The following VPS8 variants were observed in gnomAD, a reference collection of about 807,000 sequenced individuals.
VPS8 encodes the protein VPS8 subunit of CORVET complex.
In VPS8, 129 loss-of-function variants were observed where a neutral mutation model predicts 216.4. The ratio of observed to expected loss-of-function variants is 0.60; its 90% CI spans 0.52 to 0.69. The LOEUF (loss-of-function observed/expected upper bound fraction) is 0.69, where lower values mean the gene tolerates loss of function less well. Among genes scored for constraint, VPS8 ranks in the 30% least tolerant of loss-of-function variants. The pLI is 0.00. For missense variants in VPS8, 1,531 were observed against 1,683.5 expected, an observed-to-expected ratio of 0.91 and a Z score of 1.59; for synonymous variants, 571 against 565.4, an observed-to-expected ratio of 1.01 and a Z score of -0.14.
intron 25 of VPS8, among the ~76,000 whole-genome samples, chr3:184,908,968 C>T (rs1735989362): frequency 6.6e-6 from 1 of 152,224 alleles, no homozygotes; most frequent in African/African-American, 2.4e-5. Flanking sequence ...GATGTGCAGA[C>T]AGAAACAGAA....
At chr3:184,989,744 T>C (rs1176129858) in intron 42 of VPS8, among the ~76,000 whole-genome samples, 1 of 152,154 alleles carries the variant, frequency 6.6e-6, no homozygotes, top group African/African-American at 2.4e-5. Context: ...GGTTTTGGTA[T>C]TAGGGTGATG....
chr3:184,813,805 A>G (rs1715710499), intron 1 of VPS8: 1 of 152,246 alleles, frequency 6.6e-6, no homozygotes, highest in South Asian at 2.1e-4. Context: ...CATTTCAACC[A>G]GTGTGACACA....
chr3:184,830,408 T>G (rs930918386), intron 3 of VPS8, among the ~76,000 whole-genome samples: 9 of 152,184 alleles, frequency 5.9e-5, no homozygotes, highest in African/African-American at 2.2e-4. Flanking sequence ...ATTTATTTAT[T>G]TATTTTTTTG....
At chr3:184,986,075 G>A (rs1182638409) in intron 42 of VPS8, among the ~76,000 whole-genome samples, 2 of 152,062 alleles carry the variant, frequency 1.3e-5, no homozygotes, top group Admixed American at 6.5e-5. Context: ...AGATTGAGTG[G>A]TATTTATGGC....
At chr3:185,039,166 T>C (rs1247253752) in intron 46 of VPS8, among the ~76,000 whole-genome samples, 1 of 152,196 alleles carries the variant, frequency 6.6e-6, no homozygotes, top group Non-Finnish European at 1.5e-5. Flanking sequence ...TCACAAACCA[T>C]AGTCATCAAA....
chr3:184,926,677 T>A (rs1252098698), intron 31 of VPS8, 27 bp downstream of exon 31: 1 of 1,576,430 alleles, frequency 6.3e-7, no homozygotes, highest in Non-Finnish European at 8.6e-7. Flanking sequence ...CTCTTTTTGC[T>A]AAAAAATAGG....
At chr3:185,048,398 AT>A (rs1713421448) in intron 46 of VPS8, 80 bp from the exon 47 acceptor site, 11 of 1,324,480 alleles carry the variant, frequency 8.3e-6, no homozygotes, top group Admixed American at 1.8e-5. Flanking sequence ...GCACCATGTT[AT>A]GCTTCAGCAT....
At chr3:185,025,888 GCCC>G (rs1425936198) in intron 46 of VPS8, among the ~76,000 whole-genome samples, 3 of 152,102 alleles carry the variant, frequency 2.0e-5, no homozygotes, top group African/African-American at 4.8e-5. Flanking sequence ...GTGTAAATTG[GCCC>G]CTCTGTTTCG....
At chr3:184,927,810 T>C (rs1056506452) in intron 31 of VPS8, among the ~76,000 whole-genome samples, 7 of 152,220 alleles carry the variant, frequency 4.6e-5, no homozygotes, top group Non-Finnish European at 1.0e-4. Context: ...CTCACGTAAG[T>C]GCAGTCACAA....
At chr3:184,893,686 T>G (rs73885612) in intron 22 of VPS8, among the ~76,000 whole-genome samples, 3,162 of 152,322 alleles carry the variant, frequency 0.021, 95 homozygotes, top group African/African-American at 0.071. Flanking sequence ...CACAGATTTT[T>G]TCATATCTTT....
chr3:184,892,586 G>C (rs1467550855), intron 22 of VPS8, among the ~76,000 whole-genome samples: 1 of 152,158 alleles, frequency 6.6e-6, no homozygotes, highest in Non-Finnish European at 1.5e-5. Context: ...AGAATGATGA[G>C]AATTTGTCGT....
intron 37 of VPS8, among the ~76,000 whole-genome samples, chr3:184,962,354 T>C (rs1746677802): frequency 6.6e-6 from 1 of 152,238 alleles, no homozygotes; most frequent in African/African-American, 2.4e-5. Context: ...CCAGATTGTT[T>C]CTATTCTCAT....
chr3:184,985,633 C>T (rs1374019676), intron 42 of VPS8, among the ~76,000 whole-genome samples: 1 of 152,188 alleles, frequency 6.6e-6, no homozygotes, highest in East Asian at 1.9e-4. Context: ...GACCCTGCCT[C>T]CTGGGTCCAG....
At chr3:184,862,407 C>A (rs930430446) in intron 15 of VPS8, among the ~76,000 whole-genome samples, 19 of 152,072 alleles carry the variant, frequency 1.2e-4, no homozygotes, top group Non-Finnish European at 8.8e-5. Flanking sequence ...ACAAAGGACT[C>A]TCATAATTTT....
At chr3:184,955,967 C>CAA (rs63345161) in intron 36 of VPS8, among the ~76,000 whole-genome samples, 68,671 of 146,452 alleles carry the variant, frequency 0.47, 17,083 homozygotes, top group Middle Eastern at 0.62. Context: ...TTATAAGATA[C>CAA]AAAAAAAAAA....
At chr3:184,869,671 T>G (rs1389024318) in intron 20 of VPS8, 143 bp downstream of exon 20, 1 of 764,558 alleles carries the variant, frequency 1.3e-6, no homozygotes, top group Non-Finnish European at 2.1e-6. Flanking sequence ...AGACACACAC[T>G]TGGGGTCAGG....
chr3:185,024,305 G>A lies in VPS8; in HGVS notation c.4003-31G>A, dbSNP rs187637618. The stretch of plus-strand genomic sequence containing the variant: ...AGACAAAACTAGACTATAACTGAAA[G>A]GGTATTAAAATGTTTGCCTTTTTTT... On this transcript the variant is annotated intron_variant, in intron 45 of 47. Coordinates refer to ENST00000625842, the MANE Select transcript of VPS8 (RefSeq NM_001009921.3). 3.8e-5 allele frequency: 60 copies of A among 1,559,150 alleles called. No individual in the cohort carries two copies. In the African/African-American group the frequency reaches 6.1e-4, roughly 16 times the overall value.
intron 36 of VPS8, among the ~76,000 whole-genome samples, chr3:184,941,394 A>G (rs944192974): frequency 9.6e-5 from 14 of 145,384 alleles, no homozygotes; most frequent in African/African-American, 3.5e-4. Context: ...CTCTGTCCTC[A>G]GATTATTACT....
intron 21 of VPS8, among the ~76,000 whole-genome samples, chr3:184,872,910 C>T (rs1728607127): frequency 6.6e-6 from 1 of 152,048 alleles, no homozygotes; most frequent in Non-Finnish European, 1.5e-5. Flanking sequence ...GTTCTATCTG[C>T]AAATCACAGA....
Sources: gnomAD v4.1 joint callset for allele counts (sites outside exome capture counted in the v4.1 genomes callset) on GRCh38, gnomAD v4.1.1 for gene constraint, MANE v1.5 for transcripts, NCBI Gene and HGNC (gene_info 2026-07-23, HGNC 2026-07-21) for gene names.